The following CCNT1 variants were observed in gnomAD, a reference collection of about 807,000 sequenced individuals.
The protein encoded by CCNT1 is cyclin T1.
In CCNT1, 18 loss-of-function variants were observed where a neutral mutation model predicts 67.3. That is an observed-to-expected ratio of 0.27 (90% CI 0.18 to 0.40). The LOEUF is 0.40. CCNT1 is among the 10% of genes least tolerant of loss of function. The pLI, the probability that CCNT1 is intolerant of heterozygous loss-of-function variation, is 1.00. For synonymous variants in CCNT1, 333 were observed against 310.3 expected (o/e 1.07, Z -0.77); for missense variants, 744 against 884.9 (o/e 0.84, Z 2.02).
At position 48,691,230 on chromosome 12, in the gene CCNT1, A is replaced by G. The variant is rs572252794; in HGVS notation, c.*1803T>C. 3.3e-5 allele frequency: 5 copies of G among 152,342 alleles called. No homozygotes were observed. The East Asian group carries it at 5.8e-4, about 18-fold the overall frequency. 9.4% of individuals were successfully genotyped at this position (152,342 alleles called of 1,614,324 possible). Reference sequence around the variant, plus strand: ...TACTCCTGCCTACAAATTCCTTTCTATATTAGGCCAGTACATCATCAATTC... The same window carrying G: ...TACTCCTGCCTACAAATTCCTTTCTGTATTAGGCCAGTACATCATCAATTC... On this transcript the variant is annotated 3_prime_UTR_variant, in exon 9 of 9. Transcript: ENST00000261900.
At chr12:48,708,956 G>A (rs552873091) in intron 2 of CCNT1, among the ~76,000 whole-genome samples, 71 of 152,212 alleles carry the variant, frequency 4.7e-4, no homozygotes, top group African/African-American at 1.7e-3. Context: ...TTCACTGGGC[G>A]TGGTGGCACT....
Position 48,693,348 on chromosome 12 carries a change from G to C in CCNT1, c.1866C>G (p.Gly622=), listed in dbSNP as rs754470311. 6.2e-7 allele frequency: 1 copy of C among 1,614,230 alleles called. No homozygotes were observed. The highest frequency in any genetic ancestry group is 1.7e-5 in the Admixed American group (1 of 60,024). ...QMPGHSSDTS[G]LSFSQPSCKT... ...TACAGCTGGGCTGTGAAAAGGAAAG[G>C]CCACTTGTGTCTGAGCTATGCCCAG... The change falls in exon 9 of 9, where the codon GGC becomes GGG. Residue 622 remains glycine, a synonymous_variant. Coordinates refer to ENST00000261900, the MANE Select transcript of CCNT1 (RefSeq NM_001240.4).
In CCNT1 at chr12:48,692,161, AG is replaced by A. The variant is rs1565614366; in HGVS notation, c.*871del. On this transcript the variant is annotated 3_prime_UTR_variant, in exon 9 of 9. Transcript: ENST00000261900. ...AGTTCTCATAATAAGGTTAAGAGTCAGGGTGTTGGCTGTACTTGCCCAAACT... is the reference window on the plus strand; with the variant it reads ...AGTTCTCATAATAAGGTTAAGAGTCAGGTGTTGGCTGTACTTGCCCAAACT... The A allele has an allele frequency of 6.6e-6, 1 of 152,326 alleles. No individual in the cohort carries two copies. The highest frequency in any genetic ancestry group is 1.9e-4 in the East Asian group (1 of 5,188). The allele number at this position is 152,326 out of a possible 1,614,324, so 9.4% of individuals were successfully genotyped here.
At position 48,694,282 on chromosome 12, in the gene CCNT1, G is replaced by A; in HGVS notation, c.932C>T (p.Pro311Leu). Reference sequence around the variant, plus strand: ...TGACTCTTCGGAGACTGGCAGGGAAGGCACTGCACTTGTGGTAGAAGTTGA... The same window carrying A: ...TGACTCTTCGGAGACTGGCAGGGAAAGCACTGCACTTGTGGTAGAAGTTGA... ...SMSTSTTSAV[P>L]SLPVSEESSS... The change falls in exon 9 of 9, where the codon CCT (proline) becomes CTT (leucine). Residue 311 changes from proline to leucine, a missense_variant. Around this residue, in one of 3 missense-constraint regions of CCNT1, gnomAD observed 564 missense variants for 574.2 expected, o/e 0.98. Transcript: ENST00000261900. 6.2e-7 allele frequency: 1 copy of A among 1,614,216 alleles called. No homozygotes were observed. Among genetic ancestry groups the A allele is most frequent in the African/African-American group, 1.3e-5 (1 of 75,060 alleles).
At chr12:48,697,262 G>GT (rs1940184055) in intron 6 of CCNT1, among the ~76,000 whole-genome samples, 1 of 152,086 alleles carries the variant, frequency 6.6e-6, no homozygotes, top group African/African-American at 2.4e-5. Flanking sequence ...GTTTACACCT[G>GT]TAATCCCAGC....
chr12:48,706,933 A>C (rs988625713), intron 2 of CCNT1, among the ~76,000 whole-genome samples: 13 of 152,284 alleles, frequency 8.5e-5, no homozygotes, highest in Non-Finnish European at 1.3e-4. Flanking sequence ...GGCCAGACAC[A>C]GTGGTTCAAG....
intron 3 of CCNT1, among the ~76,000 whole-genome samples, chr12:48,703,133 G>A (rs1940298334): frequency 6.6e-6 from 1 of 151,568 alleles, no homozygotes; most frequent in Admixed American, 6.6e-5. Context: ...AGCTCAGGGT[G>A]GCCGGGTGCA....
At chr12:48,711,744 AG>A (rs1243381987) in intron 2 of CCNT1, among the ~76,000 whole-genome samples, 1 of 152,204 alleles carries the variant, frequency 6.6e-6, no homozygotes, top group Admixed American at 6.5e-5. Flanking sequence ...CTAGAGGTAC[AG>A]GGGCTAAGGG....
chr12:48,710,351 G>T (rs927063019), intron 2 of CCNT1, among the ~76,000 whole-genome samples: 1 of 152,156 alleles, frequency 6.6e-6, no homozygotes, highest in African/African-American at 2.4e-5. Flanking sequence ...GCTAAACTTA[G>T]AATTAGTATG....
chr12:48,691,024 G>A lies in CCNT1; in HGVS notation c.*2009C>T, dbSNP rs1831857729. Reference sequence around the variant, plus strand: ...TCTACCAATTATCTAACACAACATAGAAAATATCAAGGGGAAAGAGGAAAA... The same window carrying A: ...TCTACCAATTATCTAACACAACATAAAAAATATCAAGGGGAAAGAGGAAAA... On this transcript the variant is annotated 3_prime_UTR_variant, in exon 9 of 9. Transcript: ENST00000261900. 1 of 152,042 alleles carries A rather than the reference G, an allele frequency of 6.6e-6. No homozygotes were observed. The highest frequency in any genetic ancestry group is 1.5e-5 in the Non-Finnish European group (1 of 68,010). 9.4% of individuals were successfully genotyped at this position (152,042 alleles called of 1,614,324 possible).
intron 2 of CCNT1, among the ~76,000 whole-genome samples, chr12:48,713,566 T>C (rs1039768545): frequency 1.3e-5 from 2 of 152,202 alleles, no homozygotes; most frequent in African/African-American, 4.8e-5. Context: ...GAAGGATCCC[T>C]TGAACCCTGG....
chr12:48,700,934 T>C (rs1940255490), intron 4 of CCNT1, 79 bp downstream of exon 4: 2 of 824,270 alleles, frequency 2.4e-6, no homozygotes, highest in Non-Finnish European at 3.9e-6. Context: ...AGAAATATTC[T>C]TCCTATATAG....
intron 4 of CCNT1, 122 bp downstream of exon 4, chr12:48,700,885 ATCATCT>A: frequency 3.5e-6 from 2 of 570,212 alleles, no homozygotes; most frequent in East Asian, 5.9e-5. Context: ...TACAACCTCT[ATCATCT>A]GGAAACAGAG....
intron 6 of CCNT1, 111 bp downstream of exon 6, chr12:48,698,027 A>G (rs996667001): frequency 8.2e-6 from 5 of 608,866 alleles, no homozygotes; most frequent in Non-Finnish European, 1.4e-5. Flanking sequence ...CAACATGAAA[A>G]CTGTGCAGAA....
At chr12:48,699,342 G>A (rs747599693) in intron 5 of CCNT1, among the ~76,000 whole-genome samples, 14 of 152,264 alleles carry the variant, frequency 9.2e-5, no homozygotes, top group Non-Finnish European at 1.9e-4. Flanking sequence ...AACTAAATAA[G>A]AGAGTTTCAT....
rs1940137292 is a variant in CCNT1, at chr12:48,694,383, C to A, written c.831G>T (p.Lys277Asn). ...TKADDRGTDEKTSEQTILNMI... is the reference protein window; with the variant it reads ...TKADDRGTDENTSEQTILNMI... ...TATTGAGGATTGTCTGCTCTGAAGTCTTTTCATCTGTTCCTCGGTCATCTG... is the reference window on the plus strand; with the variant it reads ...TATTGAGGATTGTCTGCTCTGAAGTATTTTCATCTGTTCCTCGGTCATCTG... Residue 277 changes from lysine to asparagine, a missense_variant, in exon 9 of 9, where the codon AAG (lysine) becomes AAT (asparagine). Transcript: ENST00000261900. 2 of 1,614,208 alleles carry A rather than the reference C, an allele frequency of 1.2e-6. No individual in the cohort carries two copies. Among genetic ancestry groups the A allele is most frequent in the Non-Finnish European group, 1.7e-6 (2 of 1,180,022 alleles).
intron 6 of CCNT1, 167 bp downstream of exon 6, chr12:48,697,970 AT>A: frequency 2.2e-6 from 1 of 462,154 alleles, no homozygotes; most frequent in Non-Finnish European, 3.9e-6. Flanking sequence ...GTACTAAATA[AT>A]TACATAACCT....
chr12:48,713,172 T>G (rs941824916), intron 2 of CCNT1, among the ~76,000 whole-genome samples: 5 of 151,060 alleles, frequency 3.3e-5, no homozygotes, highest in African/African-American at 7.3e-5. Context: ...AATTTTATTC[T>G]TCCTGTTCTT....
rs542979795 is a variant in CCNT1 at position 48,707,127 on chromosome 12, C to T, written c.244-1231G>A. On this transcript the variant is annotated intron_variant, in intron 2 of 8. Transcript: ENST00000261900. ...TTTCAGATGAATATGAAGCATACTACATATATATTCCTCAGACTTTAGGAT... is the reference window on the plus strand; with the variant it reads ...TTTCAGATGAATATGAAGCATACTATATATATATTCCTCAGACTTTAGGAT... Among the ~76,000 whole-genome samples the T allele has an allele frequency of 2.8e-4, 42 of 152,214 alleles. 2 individuals carry two copies. In the South Asian group the frequency reaches 8.5e-3, roughly 31 times the overall value.
Sources: gnomAD v4.1 joint callset for allele counts (sites outside exome capture counted in the v4.1 genomes callset) on GRCh38, gnomAD v4.1.1 for gene constraint, gnomAD v4.1.1 regional missense constraint, MANE v1.5 for transcripts, NCBI Gene and HGNC (gene_info 2026-07-23, HGNC 2026-07-21) for gene names.